Variants in ATP2B1 observed in about 807,000 individuals in gnomAD.
ATP2B1 encodes plasma membrane calcium-transporting ATPase 1.
Under a neutral mutation model 124.2 loss-of-function variants are expected in ATP2B1, and 14 were observed. That is an observed-to-expected ratio of 0.11 (90% CI 0.07 to 0.18). ATP2B1 has a LOEUF of 0.18. ATP2B1 is among the 10% of genes least tolerant of loss of function. ATP2B1 has a pLI of 1.00. For synonymous variants in ATP2B1, 449 were observed against 492.4 expected (o/e 0.91, Z 1.17); for missense variants, 763 against 1,466.1 (o/e 0.52, Z 7.83).
intron 9 of ATP2B1, 24 bp from the exon 10 acceptor site, chr12:89,621,815 CTAGT>C: frequency 1.2e-6 from 1 of 824,280 alleles, no homozygotes; most frequent in Non-Finnish European, 1.8e-6. Flanking sequence ...AAAAAAAAAA[CTAGT>C]TAAGCTGCAT....
chr12:89,603,997 G>C lies in ATP2B1; in HGVS notation c.2635-72C>G. 2 of 1,499,326 alleles carry C rather than the reference G, an allele frequency of 1.3e-6. No individual in the cohort carries two copies. Among genetic ancestry groups the C allele is most frequent in the Admixed American group, 2.2e-5 (1 of 46,168 alleles). 92.9% of individuals were successfully genotyped at this position (1,499,326 alleles called of 1,614,324 possible). A position where few individuals can be genotyped will look rare whatever the true frequency, so the allele number is the denominator to read the frequency against. On this transcript the variant is annotated intron_variant, in intron 16 of 20. Transcript: ENST00000428670. The surrounding 1 kb of genome is among the most constrained non-coding windows in gnomAD (Gnocchi z 4.3). The stretch of plus-strand genomic sequence containing the variant: ...CTCAGCAATTCTCAGGAAACCTTTA[G>C]GGTTTAAAAACTTGAGAAACAGAAC...
intron 1 of ATP2B1, among the ~76,000 whole-genome samples, chr12:89,681,966 T>C (rs1458029091): frequency 6.6e-6 from 1 of 152,084 alleles, no homozygotes; most frequent in African/African-American, 2.4e-5. Context: ...GGAAAAATGA[T>C]CTCTACAGAT....
At chr12:89,647,365 T>G (rs1239576813) in intron 2 of ATP2B1, among the ~76,000 whole-genome samples, 1 of 152,186 alleles carries the variant, frequency 6.6e-6, no homozygotes, top group Non-Finnish European at 1.5e-5. Flanking sequence ...GATCTATGAG[T>G]AGATAACAGC....
intron 3 of ATP2B1, among the ~76,000 whole-genome samples, chr12:89,637,198 C>G (rs1882839526): frequency 6.6e-6 from 1 of 152,062 alleles, no homozygotes. Context: ...TGGAATTTAC[C>G]AGTCATATTT....
chr12:89,598,452 G>C, intron 20 of ATP2B1: 1 of 958,776 alleles, frequency 1.0e-6, no homozygotes, highest in Non-Finnish European at 1.5e-6. Flanking sequence ...AACACTTTGA[G>C]GTCTCAATCC....
At chr12:89,610,374 A>C in intron 14 of ATP2B1, 47 bp downstream of exon 14, 1 of 1,459,540 alleles carries the variant, frequency 6.9e-7, no homozygotes, top group Non-Finnish European at 9.6e-7. Context: ...GAAGCAGAAC[A>C]CATTTCTGTA....
intron 1 of ATP2B1, among the ~76,000 whole-genome samples, chr12:89,661,733 A>T (rs1413375229): frequency 6.6e-6 from 1 of 152,196 alleles, no homozygotes; most frequent in Admixed American, 6.5e-5. Flanking sequence ...CTCCATTTTC[A>T]TTGTGTGTTT....
At chr12:89,674,507 T>G (rs1888385764) in intron 1 of ATP2B1, among the ~76,000 whole-genome samples, 4 of 152,176 alleles carry the variant, frequency 2.6e-5, no homozygotes, top group Admixed American at 2.6e-4. Flanking sequence ...CTGCCAAATC[T>G]AAATGAAAAA....
intron 1 of ATP2B1, among the ~76,000 whole-genome samples, chr12:89,694,753 A>C (rs1240033009): frequency 6.6e-6 from 1 of 152,170 alleles, no homozygotes; most frequent in Non-Finnish European, 1.5e-5. Flanking sequence ...GCCAGAGATC[A>C]CCATCAAGAA....
chr12:89,667,923 T>C (rs904666138), intron 1 of ATP2B1, among the ~76,000 whole-genome samples: 2 of 152,158 alleles, frequency 1.3e-5, no homozygotes, highest in African/African-American at 4.8e-5. Flanking sequence ...AGAATCTGAA[T>C]AGCCAAAACA....
intron 18 of ATP2B1, among the ~76,000 whole-genome samples, chr12:89,602,021 G>C (rs1445958676): frequency 6.6e-6 from 1 of 152,186 alleles, no homozygotes; most frequent in Non-Finnish European, 1.5e-5. Flanking sequence ...GGTGATCTCA[G>C]ATTTGCTCTC....
chr12:89,682,673 T>C (rs1889501901), intron 1 of ATP2B1, among the ~76,000 whole-genome samples: 1 of 152,186 alleles, frequency 6.6e-6, no homozygotes, highest in Admixed American at 6.5e-5. Flanking sequence ...AAGATGAAAT[T>C]AGATCAATTT....
At chr12:89,636,990 G>A (rs1161512921) in intron 3 of ATP2B1, among the ~76,000 whole-genome samples, 2 of 152,176 alleles carry the variant, frequency 1.3e-5, no homozygotes, top group Non-Finnish European at 1.5e-5. Context: ...CAGAAGACAG[G>A]AGATTAACTC....
At chr12:89,659,836 T>C (rs1161170954) in intron 1 of ATP2B1, among the ~76,000 whole-genome samples, 3 of 146,198 alleles carry the variant, frequency 2.1e-5, no homozygotes, top group Non-Finnish European at 3.0e-5. Context: ...GGCAGGAGAA[T>C]GGTGTGAACC....
rs532440224 is a variant in ATP2B1, at chr12:89,699,497, T to TG, written c.-222+9098dup. Among the ~76,000 whole-genome samples the TG allele has an allele frequency of 1.2e-3, 188 of 152,270 alleles. 1 individual carries two copies. The highest frequency in any genetic ancestry group is 1.6e-3 in the Non-Finnish European group (110 of 68,008). On this transcript the variant is annotated intron_variant, in intron 1 of 20. Coordinates refer to ENST00000428670, the MANE Select transcript of ATP2B1 (RefSeq NM_001366521.1). ...ATAAAGAAATAAATGGTTGAAAGTT[T>TG]GGGGGGAGCGGGTAACCTGTTTTTG...
At chr12:89,609,896 C>A in intron 15 of ATP2B1, 41 bp downstream of exon 15, 2 of 1,555,624 alleles carry the variant, frequency 1.3e-6, no homozygotes, top group South Asian at 1.1e-5. Flanking sequence ...ACAAACCAGT[C>A]AGTAAATTAC....
intron 8 of ATP2B1, among the ~76,000 whole-genome samples, chr12:89,625,584 CAAAAAAAAAAAA>C (rs10560749): frequency 2.5e-5 from 2 of 81,606 alleles, no homozygotes; most frequent in Admixed American, 2.9e-4. Flanking sequence ...GACCCTGTCT[CAAAAAAAAAAAA>C]AAAAAAAAGA....
At chr12:89,645,675 T>A (rs1884336023) in intron 2 of ATP2B1, among the ~76,000 whole-genome samples, 3 of 152,006 alleles carry the variant, frequency 2.0e-5, no homozygotes. Context: ...GATTAGAAGA[T>A]TTACTAGCCA....
At chr12:89,631,814 CTT>C (rs773593693) in intron 5 of ATP2B1, among the ~76,000 whole-genome samples, 8 of 144,510 alleles carry the variant, frequency 5.5e-5, no homozygotes, top group Admixed American at 6.9e-5. Context: ...GGTTATACAA[CTT>C]TTTTTTTTTT....
Sources: gnomAD v4.1 joint callset for allele counts (sites outside exome capture counted in the v4.1 genomes callset) on GRCh38, gnomAD v4.1.1 for gene constraint, Gnocchi (gnomAD v3.1) non-coding constraint, MANE v1.5 for transcripts, NCBI Gene and HGNC (gene_info 2026-07-23, HGNC 2026-07-21) for gene names.